Variants in TRDN observed in about 807,000 individuals in gnomAD.
TRDN encodes the protein triadin, also known as triadin in skeletal muscle.
Under a neutral mutation model 149.7 loss-of-function variants are expected in TRDN, and 161 were observed. That is an observed-to-expected ratio of 1.08 (90% CI 0.95 to 1.23). The LOEUF (loss-of-function observed/expected upper bound fraction) is 1.23, where lower values mean the gene tolerates loss of function less well. Ranked by LOEUF, TRDN falls within the 50% of genes most tolerant of loss-of-function variation. The probability of loss-of-function intolerance (pLI) is 0.00; values close to 1 mark genes in which losing one functional copy is unlikely to be tolerated. For missense variants in TRDN, 896 were observed against 823.5 expected (o/e 1.09, Z -1.08); for synonymous variants, 294 against 250.5 (o/e 1.17, Z -1.64).
In TRDN at chr6:123,585,143, G is replaced by C. The variant is rs9385306; in HGVS notation, c.23-14011C>G. 7.1e-4 allele frequency among the ~76,000 whole-genome samples: 98 copies of C among 138,090 alleles called. 1 individual carries two copies. The East Asian group carries it at 0.025, about 35-fold the overall frequency. 90.6% of individuals were successfully genotyped at this position (138,090 alleles called of 152,430 possible). On this transcript the variant is annotated intron_variant, in intron 1 of 40. Transcript: ENST00000334268. ...AGGTATCTTATACTTGTGGGTTAAGGTGGGGGAATACAAGAGGAGCACGCA... is the reference window on the plus strand; with the variant it reads ...AGGTATCTTATACTTGTGGGTTAAGCTGGGGGAATACAAGAGGAGCACGCA...
chr6:123,454,842 A>C (rs1776007348), intron 10 of TRDN, among the ~76,000 whole-genome samples: 1 of 152,212 alleles, frequency 6.6e-6, no homozygotes, highest in Non-Finnish European at 1.5e-5. Context: ...TCCTGAAACC[A>C]TCCCTCCTCT....
intron 24 of TRDN, among the ~76,000 whole-genome samples, chr6:123,287,709 T>C (rs1186552900): frequency 6.6e-6 from 1 of 152,138 alleles, no homozygotes; most frequent in Non-Finnish European, 1.5e-5. Flanking sequence ...GACAGTAATA[T>C]TCAAATTAGA....
intron 1 of TRDN, among the ~76,000 whole-genome samples, chr6:123,621,513 T>A (rs948486285): frequency 1.3e-5 from 2 of 152,132 alleles, no homozygotes; most frequent in Non-Finnish European, 2.9e-5. Context: ...TCATTCATCA[T>A]AGCCTCCCCC....
rs761972576 is a variant in TRDN, at chr6:123,393,669, T to C, written c.1060A>G (p.Lys354Glu). The change falls in exon 13 of 41, where the codon AAA becomes GAA. Residue 354 changes from lysine (K) to glutamate (E), a missense_variant. By Grantham distance (56) the Lys-to-Glu change is moderately conservative (BLOSUM62 1). Coordinates refer to ENST00000334268, the MANE Select transcript of TRDN (RefSeq NM_006073.4). ...GTCCCTTGTTTGGTTTCAGAAGCTT[T>C]TCCCGGCTCTTGGAATGAAAAAAAC... The part of the protein sequence containing the change: ...AIDVEKKEPG[K>E]ASETKQGTVK... 7.5e-6 allele frequency: 12 copies of C among 1,606,344 alleles called. No individual in the cohort carries two copies. Among genetic ancestry groups the C allele is most frequent in the Non-Finnish European group, 1.0e-5 (12 of 1,175,570 alleles).
At chr6:123,554,379 G>A (rs1035715121) in intron 2 of TRDN, among the ~76,000 whole-genome samples, 9 of 151,690 alleles carry the variant, frequency 5.9e-5, no homozygotes, top group Non-Finnish European at 1.0e-4. Context: ...ATATCTAGGT[G>A]GTTCTAATTT....
At chr6:123,224,698 A>G (rs1172922871) in intron 38 of TRDN, among the ~76,000 whole-genome samples, 1 of 151,754 alleles carries the variant, frequency 6.6e-6, no homozygotes, top group African/African-American at 2.4e-5. Flanking sequence ...GGAAAACTGG[A>G]TATCTATATG....
chr6:123,604,035 A>C (rs996287871), intron 1 of TRDN, among the ~76,000 whole-genome samples: 3 of 152,206 alleles, frequency 2.0e-5, no homozygotes, highest in African/African-American at 7.2e-5. Flanking sequence ...TGAGTTACCG[A>C]AAGATTGCTA....
rs374838598 is a variant in TRDN, at chr6:123,385,399, G to C, written c.1135+3123C>G. Among the ~76,000 whole-genome samples the C allele has an allele frequency of 9.8e-4, 146 of 149,606 alleles. 2 individuals are homozygous for C. The South Asian group carries it at 0.023, about 23-fold the overall frequency. On this transcript the variant is annotated intron_variant, in intron 14 of 40. Coordinates refer to ENST00000334268, the MANE Select transcript of TRDN (RefSeq NM_006073.4). ...GCAGAGATTGTGCCCACTCCAGCCT[G>C]GGCGACAGAGCGAGACTCCATCTCA...
intron 38 of TRDN, among the ~76,000 whole-genome samples, chr6:123,230,319 T>C (rs1017119569): frequency 5.9e-5 from 9 of 151,658 alleles, no homozygotes; most frequent in Non-Finnish European, 1.3e-4. Context: ...TTCTCACTCA[T>C]AGGTGGGAAT....
intron 8 of TRDN, chr6:123,502,850 C>A: frequency 1.0e-6 from 1 of 985,218 alleles, no homozygotes; most frequent in Non-Finnish European, 1.2e-6. Context: ...CATGTTAGAT[C>A]CCCGTATTCT....
At chr6:123,514,180 C>T (rs1294891537) in intron 6 of TRDN, among the ~76,000 whole-genome samples, 1 of 152,062 alleles carries the variant, frequency 6.6e-6, no homozygotes, top group Non-Finnish European at 1.5e-5. Context: ...GCCTGGCCAA[C>T]ATGGCAAAAA....
chr6:123,568,286 C>G (rs1782392567), intron 2 of TRDN, among the ~76,000 whole-genome samples: 1 of 152,228 alleles, frequency 6.6e-6, no homozygotes, highest in Non-Finnish European at 1.5e-5. Context: ...TGCTCTCACA[C>G]ATTGTTGAGT....
chr6:123,314,610 T>C (rs1778956840), intron 24 of TRDN, among the ~76,000 whole-genome samples: 1 of 152,006 alleles, frequency 6.6e-6, no homozygotes, highest in African/African-American at 2.4e-5. Flanking sequence ...TCATCAATGA[T>C]AGACTGGATA....
At chr6:123,390,882 C>T (rs1024541286) in intron 13 of TRDN, among the ~76,000 whole-genome samples, 1 of 152,016 alleles carries the variant, frequency 6.6e-6, no homozygotes, top group Non-Finnish European at 1.5e-5. Context: ...CTGTGTTCTT[C>T]CTATAGTATC....
intron 24 of TRDN, among the ~76,000 whole-genome samples, chr6:123,282,198 TAGTC>T (rs1777609269): frequency 6.6e-6 from 1 of 152,064 alleles, no homozygotes; most frequent in Non-Finnish European, 1.5e-5. Context: ...TATGTATCAA[TAGTC>T]AGAGGTCTAC....
intron 12 of TRDN, among the ~76,000 whole-genome samples, chr6:123,409,031 C>G (rs1380390941): frequency 6.6e-6 from 1 of 152,174 alleles, no homozygotes; most frequent in African/African-American, 2.4e-5. Context: ...AGTTAGGGCA[C>G]TGATTCCTAA....
At chr6:123,413,230 T>C (rs759547023) in intron 12 of TRDN, among the ~76,000 whole-genome samples, 4 of 152,200 alleles carry the variant, frequency 2.6e-5, no homozygotes, top group Non-Finnish European at 4.4e-5. Context: ...GGGGCAACAG[T>C]AGCAGTAATG....
intron 1 of TRDN, among the ~76,000 whole-genome samples, chr6:123,630,196 T>C (rs1785914702): frequency 6.6e-6 from 1 of 152,080 alleles, no homozygotes; most frequent in Non-Finnish European, 1.5e-5. Flanking sequence ...TTAGATAATA[T>C]GTATTTTTTA....
chr6:123,332,700 T>C (rs1222961138), intron 22 of TRDN, among the ~76,000 whole-genome samples: 1 of 152,128 alleles, frequency 6.6e-6, no homozygotes, highest in East Asian at 1.9e-4. Flanking sequence ...AAATGACTTT[T>C]AATGCAATTA....
Sources: gnomAD v4.1 joint callset for allele counts (sites outside exome capture counted in the v4.1 genomes callset) on GRCh38, gnomAD v4.1.1 for gene constraint, MANE v1.5 for transcripts, NCBI Gene and HGNC (gene_info 2026-07-23, HGNC 2026-07-21) for gene names.